DMD: variants seen among roughly 807,000 people sequenced by gnomAD.
The protein encoded by DMD is dystrophin.
Under a neutral mutation model 330.1 loss-of-function variants are expected in DMD, and 63 were observed. The ratio of observed to expected loss-of-function variants is 0.19; its 90% confidence interval spans 0.16 to 0.24. DMD has a LOEUF of 0.24. Among genes scored for constraint, DMD ranks in the 10% least tolerant of loss-of-function variants. The pLI is 1.00. For synonymous variants in DMD, 1,223 were observed against 959.8 expected (o/e 1.27, Z -5.07); for missense variants, 3,344 against 2,684.1 (o/e 1.25, Z -5.43).
chrX:32,653,049 T>C (rs998097066), intron 9 of DMD, among the ~76,000 whole-genome samples: 1 of 111,799 alleles, frequency 8.9e-6, no homozygotes, highest in Non-Finnish European at 1.9e-5. Context: ...TTGTAGATTC[T>C]GGATATTAGC....
At chrX:32,100,219 T>A (rs1486166288) in intron 44 of DMD, among the ~76,000 whole-genome samples, 1 of 110,573 alleles carries the variant, frequency 9.0e-6, no homozygotes, top group Non-Finnish European at 1.9e-5. Context: ...TTTTGAAAAC[T>A]ACACAAGGGC....
chrX:31,262,165 T>C (rs776112720), intron 62 of DMD, among the ~76,000 whole-genome samples: 3 of 112,388 alleles, frequency 2.7e-5, no homozygotes, highest in East Asian at 5.6e-4. Context: ...AAAGGATTAG[T>C]TGAAATAGGT....
intron 44 of DMD, among the ~76,000 whole-genome samples, chrX:31,977,342 T>G (rs1046950842): frequency 8.9e-6 from 1 of 111,736 alleles, no homozygotes; most frequent in Non-Finnish European, 1.9e-5. Context: ...TAAAAATAAT[T>G]GTGTTTTTAT....
At chrX:32,562,715 A>T (rs1211698482) in intron 16 of DMD, among the ~76,000 whole-genome samples, 1 of 112,335 alleles carries the variant, frequency 8.9e-6, no homozygotes, top group Non-Finnish European at 1.9e-5. Context: ...CTCCTTATGT[A>T]ATTTTAATCA....
chrX:32,066,239 A>C (rs1185162247), intron 44 of DMD, among the ~76,000 whole-genome samples: 1 of 111,725 alleles, frequency 9.0e-6, no homozygotes. Flanking sequence ...AACAGAACTT[A>C]AATCACAGGG....
Position 32,496,126 on chromosome X carries a change from T to C in DMD, c.2381-4608A>G, listed in dbSNP as rs193120099. On this transcript the variant is annotated intron_variant, in intron 19 of 78. Transcript: ENST00000357033. ...AATGTTAAATGTGCACCACCTTCCATGCAAGTACTTCAGAACTGCCACTTA... is the reference window on the plus strand; with the variant it reads ...AATGTTAAATGTGCACCACCTTCCACGCAAGTACTTCAGAACTGCCACTTA... Among the ~76,000 whole-genome samples the C allele has an allele frequency of 6.2e-3, 690 of 112,163 alleles. 6 individuals carry two copies. The highest frequency in any genetic ancestry group is 9.0e-3 in the Non-Finnish European group (481 of 53,243).
At chrX:31,378,009 G>T (rs1265360177) in intron 60 of DMD, among the ~76,000 whole-genome samples, 1 of 110,841 alleles carries the variant, frequency 9.0e-6, no homozygotes, top group Non-Finnish European at 1.9e-5. Flanking sequence ...CCCCCCATTT[G>T]ACTGTAATTT....
chrX:31,146,197 T>C, intron 76 of DMD, 94 bp downstream of exon 76: 1 of 1,037,711 alleles, frequency 9.6e-7, no homozygotes. Flanking sequence ...GATACCAAGA[T>C]GAGTCAAACA....
At chrX:31,336,931 T>C (rs1185421974) in intron 61 of DMD, among the ~76,000 whole-genome samples, 1 of 107,632 alleles carries the variant, frequency 9.3e-6, no homozygotes, top group East Asian at 2.9e-4. Flanking sequence ...TCTTTCTTTT[T>C]TTTTTTTTTT....
At chrX:32,107,475 T>C (rs1386004925) in intron 44 of DMD, among the ~76,000 whole-genome samples, 1 of 108,177 alleles carries the variant, frequency 9.2e-6, no homozygotes, top group East Asian at 2.9e-4. Context: ...ACAAGCAAGC[T>C]GGAGACCCGA....
chrX:31,742,552 T>C (rs2087446678), intron 51 of DMD, among the ~76,000 whole-genome samples: 1 of 111,531 alleles, frequency 9.0e-6, no homozygotes, highest in African/African-American at 3.3e-5. Context: ...ACACAAAACA[T>C]TGATTGATTA....
intron 47 of DMD, among the ~76,000 whole-genome samples, chrX:31,915,123 T>C (rs2094593435): frequency 8.9e-6 from 1 of 112,400 alleles, no homozygotes; most frequent in Non-Finnish European, 1.9e-5. Context: ...TGAGGAACCA[T>C]ATCTTGATCT....
intron 2 of DMD, among the ~76,000 whole-genome samples, chrX:32,941,532 C>T (rs773924635): frequency 9.0e-6 from 1 of 111,409 alleles, no homozygotes; most frequent in South Asian, 3.8e-4. Context: ...GGCCATTATC[C>T]TAGGCGAATT....
At chrX:33,095,595 C>G (rs906063345) in intron 1 of DMD, among the ~76,000 whole-genome samples, 1 of 111,871 alleles carries the variant, frequency 8.9e-6, no homozygotes, top group African/African-American at 3.2e-5. Flanking sequence ...CTTTTTAATT[C>G]TCTTTTCTGT....
intron 54 of DMD, among the ~76,000 whole-genome samples, chrX:31,641,990 C>T (rs1288750607): frequency 9.0e-6 from 1 of 111,682 alleles, no homozygotes; most frequent in Non-Finnish European, 1.9e-5. Context: ...AATCTGAGTA[C>T]TATGAGCAAC....
At chrX:32,775,814 G>T (rs886587551) in intron 7 of DMD, among the ~76,000 whole-genome samples, 1 of 112,863 alleles carries the variant, frequency 8.9e-6, no homozygotes, top group Non-Finnish European at 1.9e-5. Context: ...CTTTACTTAT[G>T]CAAATTTCTG....
chrX:31,508,244 C>G, intron 55 of DMD: 2 of 1,207,390 alleles, frequency 1.7e-6, no homozygotes, highest in Non-Finnish European at 1.1e-6. Flanking sequence ...ACATTTTCAG[C>G]TTGAACCGGG....
At chrX:32,812,295 A>G (rs1186463142) in intron 6 of DMD, among the ~76,000 whole-genome samples, 3 of 111,522 alleles carry the variant, frequency 2.7e-5, no homozygotes, top group African/African-American at 9.9e-5. Flanking sequence ...AAAAAACAAA[A>G]AAAAAGTTAC....
chrX:33,222,188 T>C (rs2052194242), intron 1 of DMD, among the ~76,000 whole-genome samples: 1 of 112,029 alleles, frequency 8.9e-6, no homozygotes. Context: ...AATTCAGCAA[T>C]GTACTAATGG....
Sources: allele counts gnomAD v4.1 joint callset (sites outside exome capture counted in the v4.1 genomes callset), GRCh38; gene constraint gnomAD v4.1.1; transcripts MANE v1.5; gene names NCBI Gene and HGNC (gene_info 2026-07-23, HGNC 2026-07-21).